Variants in BICRA observed in about 807,000 individuals in gnomAD.
The protein encoded by BICRA is BRD4 interacting chromatin remodeling complex associated protein.
Under a neutral mutation model 96.9 loss-of-function variants are expected in BICRA, and 31 were observed. The observed-to-expected ratio is 0.32, with a 90% CI of 0.24 to 0.43. BICRA has a LOEUF of 0.43. Among genes scored for constraint, BICRA ranks in the 20% least tolerant of loss-of-function variants. The probability of loss-of-function intolerance (pLI) is 1.00; values close to 1 mark genes in which losing one functional copy is unlikely to be tolerated. For missense variants in BICRA, 2,283 were observed against 2,190.3 expected, an observed-to-expected ratio of 1.04 and a Z score of -0.84; for synonymous variants, 1,350 against 1,071.8, an observed-to-expected ratio of 1.26 and a Z score of -5.07.
At chr19:47,655,163 G>A (rs560186988) in intron 1 of BICRA, among the ~76,000 whole-genome samples, 3 of 152,176 alleles carry the variant, frequency 2.0e-5, no homozygotes, top group Admixed American at 6.5e-5. Context: ...ATAAACAAGT[G>A]TCCTTTTTGT....
intron 2 of BICRA, among the ~76,000 whole-genome samples, chr19:47,671,203 C>T (rs924102583): frequency 6.6e-6 from 1 of 152,174 alleles, no homozygotes; most frequent in Non-Finnish European, 1.5e-5. Context: ...GGTCAGGGCT[C>T]TTCATAATGT....
chr19:47,690,202 A>G (rs1973220676), intron 7 of BICRA, among the ~76,000 whole-genome samples: 3 of 151,924 alleles, frequency 2.0e-5, no homozygotes, highest in Non-Finnish European at 1.5e-5. Context: ...GGGTTTCACC[A>G]TGTTGGCCAG....
intron 1 of BICRA, among the ~76,000 whole-genome samples, chr19:47,625,551 A>G (rs769222001): frequency 4.6e-5 from 7 of 152,104 alleles, no homozygotes; most frequent in Admixed American, 2.6e-4. Context: ...CTGATACTGA[A>G]TGATTGAGGG....
chr19:47,684,720 C>T (rs1191964015), intron 7 of BICRA, among the ~76,000 whole-genome samples: 2 of 152,294 alleles, frequency 1.3e-5, no homozygotes, highest in East Asian at 3.9e-4. Context: ...AATTAGCTTG[C>T]CCAAGGTTGC....
Position 47,679,936 on chromosome 19 carries a change from C to A in BICRA, c.766C>A (p.Gln256Lys). The A allele has an allele frequency of 6.6e-7, 1 of 1,512,084 alleles. No individual in the cohort carries two copies. The highest frequency in any genetic ancestry group is 8.8e-7 in the Non-Finnish European group (1 of 1,136,960). The allele number at this position is 1,512,084 out of a possible 1,614,324, so 93.7% of individuals were successfully genotyped here. Residue 256 changes from glutamine (Q) to lysine (K), a missense_variant, in exon 6 of 15, where the codon CAG becomes AAG. Transcript: ENST00000594866. Reference protein sequence around the residue: ...NTPTSQLLAKQVPVSGYLASA... With the variant: ...NTPTSQLLAKKVPVSGYLASA... ...GCCCACCTCCCAGCTCCTGGCCAAG[C>A]AGGTGCCCGTCAGCGGCTACCTGGC...
intron 1 of BICRA, among the ~76,000 whole-genome samples, chr19:47,622,451 G>A (rs1398849518): frequency 6.6e-6 from 1 of 150,952 alleles, no homozygotes; most frequent in Admixed American, 6.6e-5. Flanking sequence ...TGGGCCGGGC[G>A]TGGTGGCTCA....
chr19:47,699,295 C>T lies in BICRA; in HGVS notation c.3493-8C>T, dbSNP rs373691426. The T allele has an allele frequency of 2.5e-5, 38 of 1,526,226 alleles. 1 individual carries two copies. The African/African-American group carries it at 3.3e-4, about 13-fold the overall frequency. 94.5% of individuals were successfully genotyped at this position (1,526,226 alleles called of 1,614,324 possible). On this transcript the variant is annotated splice_region_variant and splice_polypyrimidine_tract_variant and intron_variant, in intron 13 of 14. Transcript: ENST00000594866. This position sits in a 1 kb window ranked among gnomAD's most constrained non-coding sequence, Gnocchi z 5.0. ...TTCACTCGCACGTCGTCTTTTCCCC[C>T]ACCCCAGAGGGTGAGCCCCTCAGCG...
In BICRA at chr19:47,680,738, C is replaced by T; in HGVS notation, c.1568C>T (p.Pro523Leu). ...PILTNQNLAG[P>L]LSLGPVLAPH... The stretch of plus-strand genomic sequence containing the variant: ...CTCACAAACCAGAACCTGGCGGGCC[C>T]ACTGAGCCTGGGCCCCGTGTTGGCC... Residue 523 changes from proline (P) to leucine (L), a missense_variant, in exon 6 of 15, where the codon CCA becomes CTA. Physicochemically the swap from Pro to Leu is moderately conservative, Grantham distance 98. Transcript: ENST00000594866. 6.2e-7 allele frequency: 1 copy of T among 1,606,972 alleles called. No homozygotes were observed. The highest frequency in any genetic ancestry group is 8.5e-7 in the Non-Finnish European group (1 of 1,177,306).
rs751945717 is a variant in BICRA at position 47,701,329 on chromosome 19, C to G, written c.3597C>G (p.Asp1199Glu). The G allele has an allele frequency of 3.1e-6, 5 of 1,608,552 alleles. No individual in the cohort carries two copies. Among genetic ancestry groups the G allele is most frequent in the Non-Finnish European group, 2.5e-6 (3 of 1,177,838 alleles). ...LDKQLAKEKPDEYVSSSRSLG... is the reference protein window; with the variant it reads ...LDKQLAKEKPEEYVSSSRSLG... Reference sequence around the variant, plus strand: ...GTTTTCTTTGCCCCGATTCTGCAGACGAGTACGTGTCTTCCTCCCGCTCGC... The same window carrying G: ...GTTTTCTTTGCCCCGATTCTGCAGAGGAGTACGTGTCTTCCTCCCGCTCGC... Residue 1199 changes from aspartate to glutamate, a missense_variant and splice_region_variant, in exon 15 of 15, where the codon GAC (aspartate) becomes GAG (glutamate). Transcript: ENST00000594866. This position sits in a 1 kb window ranked among gnomAD's most constrained non-coding sequence, Gnocchi z 5.4.
In BICRA at chr19:47,680,791, A is replaced by C; in HGVS notation, c.1621A>C (p.Ile541Leu). 6.2e-7 allele frequency: 1 copy of C among 1,609,528 alleles called. No homozygotes were observed. The highest frequency in any genetic ancestry group is 8.5e-7 in the Non-Finnish European group (1 of 1,178,954). ...APHSGAHSAH[I>L]LSAAPIQVGQ... ...CCACTCCGGGGCCCACAGCGCGCAC[A>C]TCCTCTCCGCCGCTCCCATCCAGGT... Residue 541 changes from isoleucine to leucine, a missense_variant, in exon 6 of 15, where the codon ATC (isoleucine) becomes CTC (leucine). Transcript: ENST00000594866.
chr19:47,694,932 TG>T lies in BICRA; in HGVS notation c.2935del (p.Ala979ProfsTer67), dbSNP rs756990560. ...PSGIILQNKAGGAPAAPQTST... is the reference protein window; with the variant it reads ...PSGIILQNKAXGAPAAPQTST... ...CCGGAATCATCCTCCAGAACAAGGC[TG>T]GGGGGGCCCCTGCCGCCCCGCAGAC... On this transcript the variant is annotated frameshift_variant, in exon 9 of 15. Transcript: ENST00000594866. LOFTEE classifies it high-confidence loss of function. 11 of 1,531,408 alleles carry T rather than the reference TG, an allele frequency of 7.2e-6. No individual in the cohort carries two copies. The highest frequency in any genetic ancestry group is 1.4e-5 in the African/African-American group (1 of 71,824). 94.9% of individuals were successfully genotyped at this position (1,531,408 alleles called of 1,614,324 possible).
chr19:47,672,490 A>G (rs1972882243), intron 2 of BICRA, among the ~76,000 whole-genome samples: 1 of 151,716 alleles, frequency 6.6e-6, no homozygotes, highest in Admixed American at 6.6e-5. Flanking sequence ...GAGGGAGGAA[A>G]GAGGAAGCTT....
chr19:47,619,201 C>CATATATAT (rs10528949), intron 1 of BICRA, among the ~76,000 whole-genome samples: 9 of 141,298 alleles, frequency 6.4e-5, no homozygotes, highest in African/African-American at 2.1e-4. Flanking sequence ...TGTATATATA[C>CATATATAT]ATATATATAT....
intron 10 of BICRA, 130 bp from the exon 11 acceptor site, chr19:47,696,321 G>A (rs1973341513): frequency 1.3e-6 from 1 of 771,704 alleles, no homozygotes; most frequent in Admixed American, 2.5e-5. Flanking sequence ...TCCTGTAGCT[G>A]GGGCCAGGCC....
intron 1 of BICRA, among the ~76,000 whole-genome samples, chr19:47,647,187 TTGG>T (rs1972472215): frequency 6.6e-6 from 1 of 152,180 alleles, no homozygotes; most frequent in African/African-American, 2.4e-5. Flanking sequence ...ATCCGTTCAG[TTGG>T]TGGACATTGG....
chr19:47,697,317 C>CG (rs553028643), intron 11 of BICRA, among the ~76,000 whole-genome samples: 6 of 150,548 alleles, frequency 4.0e-5, no homozygotes, highest in South Asian at 2.2e-4. Flanking sequence ...CATATAAGTC[C>CG]GGGGGGCAGA....
chr19:47,685,802 T>TGCGCGCGC (rs1555790174), intron 7 of BICRA, among the ~76,000 whole-genome samples: 2 of 111,374 alleles, frequency 1.8e-5, no homozygotes, highest in African/African-American at 3.4e-5. Context: ...CGCGCGCGCA[T>TGCGCGCGC]GCGTACATTT....
chr19:47,657,599 T>A (rs1256851051), intron 1 of BICRA, among the ~76,000 whole-genome samples: 4 of 151,980 alleles, frequency 2.6e-5, no homozygotes, highest in African/African-American at 9.7e-5. Flanking sequence ...AGTTTCACTG[T>A]GTTAGCCAGG....
At chr19:47,661,412 C>T (rs1451493335) in intron 1 of BICRA, among the ~76,000 whole-genome samples, 1 of 151,854 alleles carries the variant, frequency 6.6e-6, no homozygotes, top group Non-Finnish European at 1.5e-5. Context: ...TGGGGCAGGT[C>T]CAGTCGGTGG....
Sources: allele counts gnomAD v4.1 joint callset (sites outside exome capture counted in the v4.1 genomes callset), GRCh38; gene constraint gnomAD v4.1.1; non-coding constraint Gnocchi (gnomAD v3.1); transcripts MANE v1.5; gene names NCBI Gene and HGNC (gene_info 2026-07-23, HGNC 2026-07-21).